The following FREM1 variants were observed in gnomAD, a reference collection of about 807,000 sequenced individuals.
FREM1 encodes the protein FRAS1-related extracellular matrix protein 1.
A neutral mutation model predicts 210.1 loss-of-function variants in FREM1; 220 were observed. That is an observed-to-expected ratio of 1.05 (90% CI 0.94 to 1.17). The LOEUF (loss-of-function observed/expected upper bound fraction) is 1.17. Ranked by LOEUF, FREM1 falls within the 50% of genes most tolerant of loss-of-function variation. FREM1 has a pLI of 0.00. For missense variants in FREM1, 3,454 were observed against 2,675.5 expected, an observed-to-expected ratio of 1.29 and a Z score of -6.42; for synonymous variants, 1,189 against 980.2, an observed-to-expected ratio of 1.21 and a Z score of -3.98.
chr9:14,778,544 G>A (rs1849023308), intron 24 of FREM1, among the ~76,000 whole-genome samples: 1 of 146,080 alleles, frequency 6.8e-6, no homozygotes, highest in Non-Finnish European at 1.5e-5. Flanking sequence ...GGAGGTTGAG[G>A]CTACAGTGAG....
At chr9:14,828,103 G>A (rs1460619794) in intron 10 of FREM1, among the ~76,000 whole-genome samples, 1 of 152,176 alleles carries the variant, frequency 6.6e-6, no homozygotes, top group Non-Finnish European at 1.5e-5. Flanking sequence ...TGGGGTCAGG[G>A]CCACCCCAGA....
chr9:14,791,942 A>T (rs996227298), intron 22 of FREM1, among the ~76,000 whole-genome samples: 1 of 151,922 alleles, frequency 6.6e-6, no homozygotes, highest in African/African-American at 2.4e-5. Context: ...GGTTCAAGTA[A>T]TTCTCCTGCC....
intron 27 of FREM1, among the ~76,000 whole-genome samples, chr9:14,763,035 A>G (rs531902762): frequency 6.6e-6 from 1 of 152,324 alleles, no homozygotes; most frequent in Admixed American, 6.5e-5. Flanking sequence ...CAGTGCTTCC[A>G]GTTTCCTGTC....
chr9:14,825,549 A>ATATATATATATG lies in FREM1; in HGVS notation c.1882-558_1882-557insCATATATATATA, dbSNP rs1822257811. 8.8e-5 allele frequency among the ~76,000 whole-genome samples: 3 copies of ATATATATATATG among 34,138 alleles called. 1 individual carries two copies. The highest frequency in any genetic ancestry group is 5.9e-4 in the Admixed American group (2 of 3,362). The allele number at this position is 34,138 out of a possible 152,430, so 22.4% of individuals were successfully genotyped here. A position where few individuals can be genotyped will look rare whatever the true frequency, so the allele number is the denominator to read the frequency against. On this transcript the variant is annotated intron_variant, in intron 10 of 36. Coordinates refer to ENST00000380880, the MANE Select transcript of FREM1 (RefSeq NM_001379081.2). Reference sequence around the variant, plus strand: ...TATATATATATATGTGTGTGTGTGTATATATATATATATATATATATACCA... The same window carrying ATATATATATATG: ...TATATATATATATGTGTGTGTGTGTATATATATATATGTATATATATATATATATATATACCA...
intron 2 of FREM1, among the ~76,000 whole-genome samples, chr9:14,865,257 G>C (rs1399181747): frequency 1.3e-5 from 2 of 152,086 alleles, no homozygotes; most frequent in Non-Finnish European, 2.9e-5. Flanking sequence ...TGCTAACCTG[G>C]GGTGCTTTCC....
chr9:14,826,129 G>A lies in FREM1; in HGVS notation c.1882-1137C>T, dbSNP rs577743978. Among the ~76,000 whole-genome samples, 7 of 125,046 alleles carry A rather than the reference G, an allele frequency of 5.6e-5. No homozygotes were observed. In the East Asian group the frequency reaches 1.4e-3, roughly 25 times the overall value. 82.0% of individuals were successfully genotyped at this position (125,046 alleles called of 152,430 possible). On this transcript the variant is annotated intron_variant, in intron 10 of 36. Coordinates refer to ENST00000380880, the MANE Select transcript of FREM1 (RefSeq NM_001379081.2). ...TTTTTTTTTTGAGGAGTCTCACACT[G>A]TCACACAGGCTGGAGTGCAGTGGTG...
intron 24 of FREM1, 70 bp downstream of exon 24, chr9:14,784,300 C>T (rs1299722457): frequency 7.0e-7 from 1 of 1,426,314 alleles, no homozygotes; most frequent in African/African-American, 1.4e-5. Flanking sequence ...TAGTGAAGCA[C>T]ATTAACAGAT....
intron 3 of FREM1, among the ~76,000 whole-genome samples, chr9:14,860,940 C>CATATATACAT (rs1170673338): frequency 3.0e-5 from 2 of 67,220 alleles, no homozygotes; most frequent in African/African-American, 1.7e-4. Context: ...CATATACACA[C>CATATATACAT]ATATACACAT....
rs993984516 is a variant in FREM1, at chr9:14,737,225, T to G, written c.*171A>C. On this transcript the variant is annotated 3_prime_UTR_variant, in exon 37 of 37. Transcript: ENST00000380880. ...TTGTATCTTATCTTGTAAAAAATAT[T>G]TATTTATCAATCTTTCTGGCACTAT... 1.9e-6 allele frequency: 1 copy of G among 530,004 alleles called. No individual in the cohort carries two copies. The highest frequency in any genetic ancestry group is 3.3e-6 in the Non-Finnish European group (1 of 302,174). The allele number at this position is 530,004 out of a possible 1,614,324, so 32.8% of individuals were successfully genotyped here. A position where few individuals can be genotyped will look rare whatever the true frequency, so the allele number is the denominator to read the frequency against.
intron 3 of FREM1, among the ~76,000 whole-genome samples, chr9:14,861,302 CACATATATACATATAT>C (rs1169956793): frequency 9.1e-6 from 1 of 109,814 alleles, no homozygotes; most frequent in Non-Finnish European, 1.6e-5. Flanking sequence ...TACATATATA[CACATATATACATATAT>C]ACACATATAT....
chr9:14,770,546 G>T, intron 26 of FREM1, 59 bp downstream of exon 26: 1 of 1,302,218 alleles, frequency 7.7e-7, no homozygotes, highest in Non-Finnish European at 1.1e-6. Context: ...TTACTCTCTA[G>T]CCCTGCCAGC....
chr9:14,861,037 AC>A (rs1830208190), intron 3 of FREM1, among the ~76,000 whole-genome samples: 2 of 72,350 alleles, frequency 2.8e-5, no homozygotes, highest in African/African-American at 1.4e-4. Context: ...ATACATATAT[AC>A]ATATATACAT....
intron 4 of FREM1, among the ~76,000 whole-genome samples, chr9:14,858,633 G>C (rs1387195444): frequency 6.6e-6 from 1 of 150,602 alleles, no homozygotes; most frequent in Non-Finnish European, 1.5e-5. Context: ...TATATTTCTT[G>C]GCTTCTCATA....
chr9:14,877,421 C>T (rs1475359118), intron 1 of FREM1, among the ~76,000 whole-genome samples: 2 of 104,954 alleles, frequency 1.9e-5, no homozygotes, highest in East Asian at 4.5e-4. Flanking sequence ...CATTCTAAAT[C>T]TAGACAAAAA....
chr9:14,908,450 T>C (rs1049354405), intron 1 of FREM1, among the ~76,000 whole-genome samples: 1 of 152,044 alleles, frequency 6.6e-6, no homozygotes, highest in African/African-American at 2.4e-5. Flanking sequence ...TCAGGCCATA[T>C]AGCCCAACAT....
chr9:14,896,626 C>A (rs1023392774), intron 1 of FREM1, among the ~76,000 whole-genome samples: 1 of 151,578 alleles, frequency 6.6e-6, no homozygotes, highest in African/African-American at 2.4e-5. Context: ...TAAAAATGGG[C>A]AACCAGCAGC....
chr9:14,781,188 C>T (rs1849590799), intron 24 of FREM1, among the ~76,000 whole-genome samples: 1 of 152,072 alleles, frequency 6.6e-6, no homozygotes, highest in Admixed American at 6.5e-5. Context: ...CTCATGTGTA[C>T]AATGGGAACA....
intron 9 of FREM1, among the ~76,000 whole-genome samples, chr9:14,842,084 C>A (rs1488956726): frequency 2.0e-5 from 3 of 152,134 alleles, no homozygotes; most frequent in African/African-American, 7.2e-5. Flanking sequence ...TACTTTGAGG[C>A]TCAGCTCTGG....
intron 15 of FREM1, among the ~76,000 whole-genome samples, chr9:14,815,943 C>T (rs776347124): frequency 5.9e-5 from 9 of 152,122 alleles, no homozygotes; most frequent in Non-Finnish European, 1.2e-4. Context: ...CCACCTTGCC[C>T]GCTCTGCACT....
Sources: gnomAD v4.1 joint callset for allele counts (sites outside exome capture counted in the v4.1 genomes callset) on GRCh38, gnomAD v4.1.1 for gene constraint, MANE v1.5 for transcripts, NCBI Gene and HGNC (gene_info 2026-07-23, HGNC 2026-07-21) for gene names.